Variants in KAZN observed in about 807,000 individuals in gnomAD.
KAZN encodes the protein kazrin.
KAZN carries 40 observed loss-of-function variants against 87.4 expected under a neutral mutation model. The ratio of observed to expected loss-of-function variants is 0.46; its 90% CI spans 0.36 to 0.60. The LOEUF (loss-of-function observed/expected upper bound fraction) is 0.60. KAZN is among the 20% of genes least tolerant of loss of function. The pLI is 0.00. For missense variants in KAZN, 898 were observed against 1,073.9 expected, an observed-to-expected ratio of 0.84 and a Z score of 2.29; for synonymous variants, 466 against 458.3, an observed-to-expected ratio of 1.02 and a Z score of -0.22.
intron 4 of KAZN, among the ~76,000 whole-genome samples, chr1:15,047,927 T>C (rs972975690): frequency 1.3e-5 from 2 of 152,174 alleles, no homozygotes; most frequent in Non-Finnish European, 1.5e-5. Context: ...CTGTGGCCCA[T>C]CTTGGGCCAC....
At chr1:14,645,091 G>T (rs1483658993) in intron 1 of KAZN, among the ~76,000 whole-genome samples, 1 of 152,116 alleles carries the variant, frequency 6.6e-6, no homozygotes, top group Non-Finnish European at 1.5e-5. Flanking sequence ...TGTTAGTTTT[G>T]TTGAAGATTG....
intron 2 of KAZN, among the ~76,000 whole-genome samples, chr1:14,520,399 T>C (rs1334428536): frequency 1.3e-5 from 2 of 151,706 alleles, no homozygotes; most frequent in African/African-American, 2.4e-5. Context: ...ACCATGTGAA[T>C]GAGAGAGAAA....
intron 2 of KAZN, among the ~76,000 whole-genome samples, chr1:14,227,464 T>C (rs1029316147): frequency 1.3e-5 from 2 of 152,168 alleles, no homozygotes; most frequent in Non-Finnish European, 2.9e-5. Flanking sequence ...GCTGGAGGGT[T>C]GCAGACAGGA....
chr1:14,990,973 G>T (rs964576150), intron 2 of KAZN, among the ~76,000 whole-genome samples: 3 of 151,528 alleles, frequency 2.0e-5, no homozygotes, highest in Non-Finnish European at 4.4e-5. Context: ...AAAGGTGGGG[G>T]TGATGTGTCT....
chr1:14,686,819 T>G (rs1043150692), intron 1 of KAZN, among the ~76,000 whole-genome samples: 11 of 152,200 alleles, frequency 7.2e-5, no homozygotes, highest in African/African-American at 2.2e-4. Flanking sequence ...AGGCTTCCAT[T>G]TCAGCCCTGA....
intron 1 of KAZN, among the ~76,000 whole-genome samples, chr1:14,084,880 A>T (rs115350169): frequency 0.015 from 2,210 of 150,784 alleles, 33 homozygotes; most frequent in Middle Eastern, 0.042. Context: ...AAAGTATAAT[A>T]AAAAAAAGTA....
At chr1:14,144,922 C>G (rs1374375813) in intron 1 of KAZN, among the ~76,000 whole-genome samples, 1 of 152,200 alleles carries the variant, frequency 6.6e-6, no homozygotes, top group East Asian at 1.9e-4. Context: ...ACCCAATAGC[C>G]TTCCATCAGG....
intron 2 of KAZN, among the ~76,000 whole-genome samples, chr1:14,485,856 G>C (rs1450754972): frequency 2.0e-5 from 3 of 146,384 alleles, no homozygotes; most frequent in Non-Finnish European, 4.4e-5. Context: ...TCACACCACT[G>C]CACTCCAGCC....
chr1:14,012,327 T>C (rs996960443), intron 1 of KAZN, among the ~76,000 whole-genome samples: 3 of 152,232 alleles, frequency 2.0e-5, no homozygotes, highest in African/African-American at 4.8e-5. Context: ...ATTGCAGTCA[T>C]GGTGATTCTT....
intron 2 of KAZN, among the ~76,000 whole-genome samples, chr1:14,309,948 G>A (rs932936511): frequency 3.3e-5 from 5 of 152,130 alleles, no homozygotes; most frequent in Non-Finnish European, 5.9e-5. Flanking sequence ...GAAAGCAGCT[G>A]TTGTTCTTTA....
chr1:15,111,213 CAGA>C (rs541141285), intron 13 of KAZN, among the ~76,000 whole-genome samples: 198 of 152,262 alleles, frequency 1.3e-3, no homozygotes, highest in African/African-American at 4.2e-3. Context: ...AAATTTGCCC[CAGA>C]AGAAGAACTT....
intron 1 of KAZN, among the ~76,000 whole-genome samples, chr1:13,956,094 G>A (rs537266576): frequency 9.9e-5 from 15 of 152,160 alleles, no homozygotes; most frequent in African/African-American, 2.9e-4. Context: ...AATTAGAACC[G>A]GAAACTCAGT....
intron 1 of KAZN, among the ~76,000 whole-genome samples, chr1:14,703,319 T>C (rs923211007): frequency 6.6e-6 from 1 of 152,208 alleles, no homozygotes; most frequent in African/African-American, 2.4e-5. Flanking sequence ...CCATGGGTCA[T>C]GGGAGGGACC....
chr1:14,752,628 A>G (rs1204243841), intron 1 of KAZN, among the ~76,000 whole-genome samples: 1 of 152,150 alleles, frequency 6.6e-6, no homozygotes, highest in African/African-American at 2.4e-5. Flanking sequence ...GAGCCCTTTC[A>G]TAAGGGTACC....
intron 1 of KAZN, among the ~76,000 whole-genome samples, chr1:14,635,669 C>A (rs113013721): frequency 4.6e-5 from 7 of 152,236 alleles, no homozygotes; most frequent in African/African-American, 1.7e-4. Context: ...ACCACCTGCA[C>A]TTAAGAGAGC....
At chr1:15,089,875 A>G (rs901766485) in intron 8 of KAZN, among the ~76,000 whole-genome samples, 1 of 151,726 alleles carries the variant, frequency 6.6e-6, no homozygotes, top group African/African-American at 2.4e-5. Flanking sequence ...TGTTCTTTGG[A>G]GAACATCTTA....
intron 1 of KAZN, among the ~76,000 whole-genome samples, chr1:14,160,080 T>C (rs1238997120): frequency 1.3e-5 from 2 of 152,188 alleles, no homozygotes; most frequent in Non-Finnish European, 2.9e-5. Flanking sequence ...CTGCACTCTT[T>C]TAGCTGTCAT....
At chr1:14,731,406 A>G (rs7532249) in intron 1 of KAZN, among the ~76,000 whole-genome samples, 67,450 of 152,042 alleles carry the variant, frequency 0.44, 15,211 homozygotes, top group Non-Finnish European at 0.48. Flanking sequence ...GCCCAGCCCC[A>G]AGGCCCTGTG....
intron 1 of KAZN, among the ~76,000 whole-genome samples, chr1:14,776,072 C>T (rs144088733): frequency 3.3e-5 from 5 of 152,294 alleles, no homozygotes; most frequent in Admixed American, 1.3e-4. Flanking sequence ...TGCAATGGCG[C>T]GATCTCAGCT....
Sources: gnomAD v4.1 joint callset for allele counts (sites outside exome capture counted in the v4.1 genomes callset) on GRCh38, gnomAD v4.1.1 for gene constraint, MANE v1.5 for transcripts, NCBI Gene and HGNC (gene_info 2026-07-23, HGNC 2026-07-21) for gene names.